Variants in ANAPC1 observed in about 807,000 individuals in gnomAD.
ANAPC1 encodes anaphase promoting complex subunit 1, also known as anaphase-promoting complex subunit 1.
In ANAPC1, 36 loss-of-function variants were observed where a neutral mutation model predicts 208.0. The observed-to-expected ratio is 0.17, with a 90% CI of 0.13 to 0.23. ANAPC1 has a LOEUF of 0.23. Ranked by LOEUF, ANAPC1 falls within the 10% of genes least tolerant of loss-of-function variation. ANAPC1 has a pLI of 1.00. For synonymous variants in ANAPC1, 378 were observed against 695.2 expected, an observed-to-expected ratio of 0.54 and a Z score of 7.18; for missense variants, 942 against 2,011.6, an observed-to-expected ratio of 0.47 and a Z score of 10.17.
chr2:111,860,969 C>T (rs909980935), intron 10 of ANAPC1, among the ~76,000 whole-genome samples: 3 of 152,218 alleles, frequency 2.0e-5, no homozygotes, highest in Non-Finnish European at 4.4e-5. Context: ...GACAATTCCA[C>T]ATTTATTGTT....
intron 13 of ANAPC1, among the ~76,000 whole-genome samples, chr2:111,852,239 C>T (rs1405868962): frequency 6.7e-6 from 1 of 149,764 alleles, no homozygotes. Flanking sequence ...AGAAGACAAA[C>T]TGGCTAGTAA....
At chr2:111,806,952 T>C (rs1678710988) in intron 29 of ANAPC1, among the ~76,000 whole-genome samples, 1 of 75,426 alleles carries the variant, frequency 1.3e-5, no homozygotes, top group Non-Finnish European at 2.5e-5. Flanking sequence ...TCCCAGCACT[T>C]TGGGAGGCCA....
Position 111,809,073 on chromosome 2 carries a change from A to G in ANAPC1, c.3706T>C (p.Leu1236=). 1 of 1,611,950 alleles carries G rather than the reference A, an allele frequency of 6.2e-7. No homozygotes were observed. Among genetic ancestry groups the G allele is most frequent in the Non-Finnish European group, 8.5e-7 (1 of 1,179,862 alleles). ...TCCAGCTCTGTGGACGTTGGGGGTA[A>G]GAGAGCAGGAATGTGAATGCTAAGA... ...RLLSIHIPAL[L]PPTSTELDVP... The change falls in exon 29 of 48, where the codon TTA becomes CTA. Residue 1236 remains leucine, a synonymous_variant. Coordinates refer to ENST00000341068, the MANE Select transcript of ANAPC1 (RefSeq NM_022662.4).
Position 111,862,569 on chromosome 2 carries a change from T to G in ANAPC1, c.1082A>C (p.His361Pro). The G allele has an allele frequency of 6.2e-7, 1 of 1,610,558 alleles. No individual in the cohort carries two copies. The highest frequency in any genetic ancestry group is 8.5e-7 in the Non-Finnish European group (1 of 1,179,010). Residue 361 changes from histidine to proline, a missense_variant, in exon 10 of 48, where the codon CAC (histidine) becomes CCC (proline). By Grantham distance (77) the His-to-Pro change is moderately conservative. Coordinates refer to ENST00000341068, the MANE Select transcript of ANAPC1 (RefSeq NM_022662.4). Reference protein sequence around the residue: ...SRAHSPALGVHSFSGVQRFNI... With the variant: ...SRAHSPALGVPSFSGVQRFNI... Reference sequence around the variant, plus strand: ...GAACCTTTGCACCCCTGAAAAAGAGTGCACTCCTAACGCAGGAGAATGAGC... The same window carrying G: ...GAACCTTTGCACCCCTGAAAAAGAGGGCACTCCTAACGCAGGAGAATGAGC...
At chr2:111,801,338 C>G (rs1376896747) in intron 33 of ANAPC1, among the ~76,000 whole-genome samples, 2 of 145,262 alleles carry the variant, frequency 1.4e-5, no homozygotes, top group African/African-American at 2.6e-5. Flanking sequence ...GCCTGGGCCA[C>G]AGAGTGAGAC....
chr2:111,853,386 C>T (rs889486177), intron 13 of ANAPC1, among the ~76,000 whole-genome samples: 210 of 152,034 alleles, frequency 1.4e-3, no homozygotes, highest in Non-Finnish European at 2.5e-3. Context: ...CTGTATGTTC[C>T]CACTTTCTTT....
intron 14 of ANAPC1, among the ~76,000 whole-genome samples, chr2:111,848,671 G>A (rs1330794633): frequency 3.3e-5 from 5 of 151,470 alleles, no homozygotes; most frequent in Non-Finnish European, 7.4e-5. Flanking sequence ...CAGCTATTTG[G>A]GAGGCTGAGG....
chr2:111,882,737 CAAA>C (rs11450941), intron 1 of ANAPC1, among the ~76,000 whole-genome samples: 5 of 114,358 alleles, frequency 4.4e-5, no homozygotes, highest in Non-Finnish European at 5.6e-5. Context: ...AACTCCGTCT[CAAA>C]AAAAAAAAAA....
chr2:111,766,650 T>A, downstream of ANAPC1: 1 of 300,478 alleles, frequency 3.3e-6, no homozygotes, highest in Non-Finnish European at 7.0e-6. Flanking sequence ...CAACCCCACA[T>A]GCGGGAGGCA....
intron 39 of ANAPC1, among the ~76,000 whole-genome samples, chr2:111,787,810 C>T (rs1452536827): frequency 1.5e-5 from 2 of 136,644 alleles, no homozygotes; most frequent in Non-Finnish European, 3.1e-5. Flanking sequence ...CACAATTTAT[C>T]GGCATCTATG....
At chr2:111,874,634 T>C (rs1416627615) in intron 3 of ANAPC1, among the ~76,000 whole-genome samples, 1 of 152,224 alleles carries the variant, frequency 6.6e-6, no homozygotes, top group African/African-American at 2.4e-5. Context: ...AATATTCCAC[T>C]GTTAGCATAT....
rs779700098 is a variant in ANAPC1, at chr2:111,792,538, T to C, written c.4536A>G (p.Leu1512=). Residue 1512 remains leucine (L), a synonymous_variant, in exon 38 of 48, where the codon CTA becomes CTG. Transcript: ENST00000341068. ...GCAGCACCACGCTCAGACAAGTTTC[T>C]AGGTTATGAGGACCTGTCTGTCAGG... ...PNASVTGPHN[L]ETCLSVVLLS... is the part of the protein sequence containing the mutation. The C allele has an allele frequency of 5.0e-6, 8 of 1,613,582 alleles. No homozygotes were observed. In the African/African-American group the frequency reaches 9.3e-5, roughly 19 times the overall value.
At chr2:111,876,974 A>C (rs1020039373) in intron 3 of ANAPC1, among the ~76,000 whole-genome samples, 75 of 152,146 alleles carry the variant, frequency 4.9e-4, no homozygotes, top group African/African-American at 1.8e-3. Flanking sequence ...ACCTATATCC[A>C]ACAATCATGA....
chr2:111,832,322 AAAG>A (rs1558701382), intron 20 of ANAPC1, among the ~76,000 whole-genome samples: 2 of 151,510 alleles, frequency 1.3e-5, no homozygotes, highest in Non-Finnish European at 2.9e-5. Context: ...AAAAAAAAAA[AAAG>A]AAGAATCTAA....
chr2:111,881,461 C>T (rs898158273), intron 1 of ANAPC1, among the ~76,000 whole-genome samples: 2 of 152,138 alleles, frequency 1.3e-5, no homozygotes, highest in African/African-American at 4.8e-5. Flanking sequence ...ACCCAAAGAA[C>T]CGAGGCATGA....
chr2:111,855,812 A>G (rs990200896), intron 13 of ANAPC1, among the ~76,000 whole-genome samples: 19 of 152,312 alleles, frequency 1.2e-4, no homozygotes, highest in Middle Eastern at 6.8e-3. Flanking sequence ...GCAATATTCT[A>G]TTTCTTAACC....
chr2:111,843,961 T>C (rs1680913450), intron 16 of ANAPC1, among the ~76,000 whole-genome samples: 3 of 151,202 alleles, frequency 2.0e-5, no homozygotes, highest in African/African-American at 7.3e-5. Context: ...GTAGCTGGGA[T>C]TACAGGCGTC....
intron 21 of ANAPC1, among the ~76,000 whole-genome samples, chr2:111,826,196 G>T (rs1679822131): frequency 6.6e-6 from 1 of 152,128 alleles, no homozygotes; most frequent in African/African-American, 2.4e-5. Context: ...CTACATAATT[G>T]AAGTATAACT....
chr2:111,849,551 C>T (rs1438017944), intron 14 of ANAPC1, among the ~76,000 whole-genome samples: 2 of 152,204 alleles, frequency 1.3e-5, no homozygotes, highest in Admixed American at 6.5e-5. Context: ...TAAATACAAA[C>T]CACTTTTCTC....
Sources: gnomAD v4.1 joint callset for allele counts (sites outside exome capture counted in the v4.1 genomes callset) on GRCh38, gnomAD v4.1.1 for gene constraint, MANE v1.5 for transcripts, NCBI Gene and HGNC (gene_info 2026-07-23, HGNC 2026-07-21) for gene names.